Variants in THSD7A observed in about 807,000 individuals in gnomAD.
THSD7A encodes the protein thrombospondin type 1 domain containing 7A.
In THSD7A, 96 loss-of-function variants were observed where a neutral mutation model predicts 231.3. That is an observed-to-expected ratio of 0.41 (90% CI 0.35 to 0.49). THSD7A has a LOEUF of 0.49. Ranked by LOEUF, THSD7A falls within the 20% of genes least tolerant of loss-of-function variation. THSD7A has a pLI of 0.05. For missense variants in THSD7A, 2,290 were observed against 2,070.2 expected (o/e 1.11, Z -2.06); for synonymous variants, 940 against 743.3 (o/e 1.26, Z -4.30).
At chr7:11,404,137 TTATA>T (rs1205394022) in intron 22 of THSD7A, among the ~76,000 whole-genome samples, 3 of 151,428 alleles carry the variant, frequency 2.0e-5, no homozygotes, top group African/African-American at 7.4e-5. Flanking sequence ...GGTTATAATC[TTATA>T]TATTATATAT....
chr7:11,531,454 A>G (rs895190478), intron 6 of THSD7A, among the ~76,000 whole-genome samples: 1 of 152,192 alleles, frequency 6.6e-6, no homozygotes, highest in African/African-American at 2.4e-5. Context: ...CTTTAAATTC[A>G]TCACCTAATA....
At chr7:11,408,820 AGTATTTG>A (rs976298241) in intron 19 of THSD7A, among the ~76,000 whole-genome samples, 6 of 152,162 alleles carry the variant, frequency 3.9e-5, no homozygotes, top group African/African-American at 1.2e-4. Flanking sequence ...GACAGAGCTG[AGTATTTG>A]GTATGAAAAC....
intron 1 of THSD7A, among the ~76,000 whole-genome samples, chr7:11,655,039 A>T (rs557063915): frequency 3.5e-4 from 53 of 151,988 alleles, no homozygotes; most frequent in African/African-American, 1.2e-3. Flanking sequence ...AGTTAAATAC[A>T]GGTAATACAG....
chr7:11,680,406 G>T (rs1170825503), intron 1 of THSD7A, among the ~76,000 whole-genome samples: 2 of 152,128 alleles, frequency 1.3e-5, no homozygotes, highest in African/African-American at 2.4e-5. Context: ...TCATCAGAGT[G>T]AACAGGCAAC....
chr7:11,554,581 G>A (rs918476507), intron 4 of THSD7A, among the ~76,000 whole-genome samples: 1 of 151,988 alleles, frequency 6.6e-6, no homozygotes, highest in Admixed American at 6.6e-5. Flanking sequence ...TTAAATTGGT[G>A]AATTACATTG....
intron 1 of THSD7A, among the ~76,000 whole-genome samples, chr7:11,704,867 G>T (rs746337655): frequency 2.0e-5 from 3 of 150,908 alleles, no homozygotes; most frequent in Non-Finnish European, 4.5e-5. Flanking sequence ...GTATGATGTG[G>T]CACCATAAAA....
chr7:11,405,029 G>A (rs1783535783), intron 22 of THSD7A, among the ~76,000 whole-genome samples: 1 of 151,894 alleles, frequency 6.6e-6, no homozygotes, highest in African/African-American at 2.4e-5. Flanking sequence ...TACAATAGTT[G>A]GATATTTTCA....
At position 11,424,896 on chromosome 7, in the gene THSD7A, C is replaced by T. The variant is rs550269752; in HGVS notation, c.3250-67G>A. On this transcript the variant is annotated intron_variant, in intron 15 of 27. Transcript: ENST00000423059. ...AAGAGTGAGGAGGAAGACTTCCACA[C>T]CATAACAGCAATCATTTCACTGTGA... 1.2e-5 allele frequency: 19 copies of T among 1,575,080 alleles called. No individual in the cohort carries two copies. In the Middle Eastern group the frequency reaches 1.0e-3, roughly 84 times the overall value.
At chr7:11,546,933 A>G (rs1789424598) in intron 4 of THSD7A, among the ~76,000 whole-genome samples, 1 of 152,262 alleles carries the variant, frequency 6.6e-6, no homozygotes, top group East Asian at 1.9e-4. Flanking sequence ...TAACAGCAGA[A>G]TAGACCAAGC....
At chr7:11,531,891 T>C (rs1477895942) in intron 6 of THSD7A, among the ~76,000 whole-genome samples, 1 of 152,108 alleles carries the variant, frequency 6.6e-6, no homozygotes, top group Non-Finnish European at 1.5e-5. Context: ...GGAAGTAGCA[T>C]GTGCCAGATT....
At position 11,831,443 on chromosome 7, in the gene THSD7A, T is replaced by C. The variant is rs755645965; in HGVS notation, c.190+314A>G. ...GCTTGTTCTTTGCTAGAAATCTGTT[T>C]GAGAAACTCCTAGTAGAATGAAAAT... On this transcript the variant is annotated intron_variant, in intron 1 of 27. Transcript: ENST00000423059. This position sits in a 1 kb window ranked among gnomAD's most constrained non-coding sequence, Gnocchi z 5.0. Among the ~76,000 whole-genome samples, 1 of 152,190 alleles carries C rather than the reference T, an allele frequency of 6.6e-6. No homozygotes were observed. The highest frequency in any genetic ancestry group is 1.5e-5 in the Non-Finnish European group (1 of 68,030).
rs1785194180 is a variant in THSD7A, at chr7:11,831,608, A to G, written c.190+149T>C. 1 of 441,070 alleles carries G rather than the reference A, an allele frequency of 2.3e-6. No homozygotes were observed. Among genetic ancestry groups the G allele is most frequent in the Non-Finnish European group, 3.6e-6 (1 of 274,584 alleles). The allele number at this position is 441,070 out of a possible 1,614,324, so 27.3% of individuals were successfully genotyped here. A position where few individuals can be genotyped will look rare whatever the true frequency, so the allele number is the denominator to read the frequency against. On this transcript the variant is annotated intron_variant, in intron 1 of 27. Coordinates refer to ENST00000423059, the MANE Select transcript of THSD7A (RefSeq NM_015204.3). This position sits in a 1 kb window ranked among gnomAD's most constrained non-coding sequence, Gnocchi z 5.0. ...TTCCTAATTGCATCGGACATGACCT[A>G]TTTGCTTCCTAAGAAATCATACTTT...
At chr7:11,776,434 A>G (rs1783406884) in intron 1 of THSD7A, among the ~76,000 whole-genome samples, 1 of 152,260 alleles carries the variant, frequency 6.6e-6, no homozygotes, top group Non-Finnish European at 1.5e-5. Context: ...AGAAAAAGCA[A>G]ATAAAAAAAG....
Position 11,637,586 on chromosome 7 carries a change from T to A in THSD7A, c.191-625A>T, listed in dbSNP as rs1417952957. Among the ~76,000 whole-genome samples, 1 of 134,572 alleles carries A rather than the reference T, an allele frequency of 7.4e-6. No homozygotes were observed. The highest frequency in any genetic ancestry group is 1.6e-5 in the Non-Finnish European group (1 of 61,602). 88.3% of individuals were successfully genotyped at this position (134,572 alleles called of 152,430 possible). ...CATTCTGCCTTTAAATTTACCAAAT[T>A]TCCCCCCCATTTCCCAAGTGAAGTA... On this transcript the variant is annotated intron_variant, in intron 1 of 27. Coordinates refer to ENST00000423059, the MANE Select transcript of THSD7A (RefSeq NM_015204.3). The surrounding 1 kb of genome is among the most constrained non-coding windows in gnomAD (Gnocchi z 4.2).
chr7:11,688,214 C>T lies in THSD7A; in HGVS notation c.191-51253G>A, dbSNP rs537632321. On this transcript the variant is annotated intron_variant, in intron 1 of 27. Coordinates refer to ENST00000423059, the MANE Select transcript of THSD7A (RefSeq NM_015204.3). Reference sequence around the variant, plus strand: ...GAATGACGGTTTCCCGCTTCAACCACGTCCCTACAAAGGACATCAACTCAT... The same window carrying T: ...GAATGACGGTTTCCCGCTTCAACCATGTCCCTACAAAGGACATCAACTCAT... Among the ~76,000 whole-genome samples the T allele has an allele frequency of 1.2e-4, 18 of 151,834 alleles. No homozygotes were observed. The South Asian group carries it at 2.9e-3, about 24-fold the overall frequency.
chr7:11,568,296 C>T (rs1341107246), intron 4 of THSD7A, among the ~76,000 whole-genome samples: 2 of 151,550 alleles, frequency 1.3e-5, no homozygotes, highest in Non-Finnish European at 2.9e-5. Flanking sequence ...TGCTGACCTT[C>T]TGCATATCTC....
At chr7:11,395,493 C>G (rs1286640280) in intron 23 of THSD7A, among the ~76,000 whole-genome samples, 1 of 151,718 alleles carries the variant, frequency 6.6e-6, no homozygotes, top group Non-Finnish European at 1.5e-5. Flanking sequence ...CTACAAAACT[C>G]TCCACCCCAA....
intron 1 of THSD7A, chr7:11,820,417 GC>G: frequency 7.5e-7 from 1 of 1,326,788 alleles, no homozygotes; most frequent in Non-Finnish European, 1.0e-6. Context: ...CTTGTCATGG[GC>G]CCACTTGGGG....
intron 1 of THSD7A, among the ~76,000 whole-genome samples, chr7:11,653,342 T>A (rs1782579349): frequency 6.6e-6 from 1 of 151,740 alleles, no homozygotes; most frequent in African/African-American, 2.4e-5. Flanking sequence ...GTTGTTTGAC[T>A]TCAGGGTTTT....
Sources: allele counts gnomAD v4.1 joint callset (sites outside exome capture counted in the v4.1 genomes callset), GRCh38; gene constraint gnomAD v4.1.1; non-coding constraint Gnocchi (gnomAD v3.1); transcripts MANE v1.5; gene names NCBI Gene and HGNC (gene_info 2026-07-23, HGNC 2026-07-21).